EEF2: variants seen among roughly 807,000 people sequenced by gnomAD.
The protein encoded by EEF2 is eukaryotic translation elongation factor 2.
In EEF2, 21 loss-of-function variants were observed where a neutral mutation model predicts 85.3. The ratio of observed to expected loss-of-function variants is 0.25; its 90% confidence interval spans 0.17 to 0.35. The LOEUF (loss-of-function observed/expected upper bound fraction) is 0.35. Among genes scored for constraint, EEF2 ranks in the 10% least tolerant of loss-of-function variants. The probability of loss-of-function intolerance (pLI) is 1.00; values close to 1 mark genes in which losing one functional copy is unlikely to be tolerated. For synonymous variants in EEF2, 723 were observed against 508.8 expected (o/e 1.42, Z -5.67); for missense variants, 825 against 1,225.3 (o/e 0.67, Z 4.88).
At chr19:3,976,866 G>C (rs952066659) in intron 14 of EEF2, 119 bp from the exon 15 acceptor site, 4 of 1,180,734 alleles carry the variant, frequency 3.4e-6, no homozygotes, top group East Asian at 2.6e-5. Flanking sequence ...CCAGACACTC[G>C]GCCTGGTGCC....
At chr19:3,984,015 G>C (rs1026303431) in intron 2 of EEF2, 121 bp downstream of exon 2, 5 of 1,052,774 alleles carry the variant, frequency 4.7e-6, no homozygotes, top group Non-Finnish European at 7.0e-6. Context: ...ATTCTCCCAT[G>C]AATTAAGAAA....
At chr19:3,980,399 C>T (rs1428124522) in intron 9 of EEF2, 115 bp downstream of exon 9, 4 of 1,306,332 alleles carry the variant, frequency 3.1e-6, no homozygotes, top group East Asian at 2.4e-5. Flanking sequence ...ACAAGTATCA[C>T]CCTATATTCC....
rs1014255022 is a variant in EEF2, at chr19:3,977,650, C to T, written c.2068-40G>A. On this transcript the variant is annotated intron_variant, in intron 12 of 14. Transcript: ENST00000309311. This position sits in a 1 kb window ranked among gnomAD's most constrained non-coding sequence, Gnocchi z 5.4. ...GAGCCACCGTCAAGGGCCGGACACACCTCGGCTGCTTGCCCTCCACCTGCC... is the reference window on the plus strand; with the variant it reads ...GAGCCACCGTCAAGGGCCGGACACATCTCGGCTGCTTGCCCTCCACCTGCC... 2.7e-6 allele frequency: 4 copies of T among 1,481,436 alleles called. No individual in the cohort carries two copies. The highest frequency in any genetic ancestry group is 2.7e-6 in the Non-Finnish European group (3 of 1,121,924). 91.8% of individuals were successfully genotyped at this position (1,481,436 alleles called of 1,614,324 possible).
chr19:3,985,340 C>T, intron 1 of EEF2, 38 bp downstream of exon 1: 1 of 1,454,246 alleles, frequency 6.9e-7, no homozygotes, highest in Non-Finnish European at 9.1e-7. Flanking sequence ...GGAGGCCCCG[C>T]CGCCGCTCCG....
chr19:3,982,143 C>G, intron 5 of EEF2, 91 bp from the exon 6 acceptor site: 1 of 1,598,570 alleles, frequency 6.3e-7, no homozygotes, highest in Admixed American at 1.7e-5. Context: ...TTGGGCAAGA[C>G]CTGGTGGGCT....
rs548496291 is a variant in EEF2, at chr19:3,982,867, G to A, written c.552C>T (p.Asn184=). Reference sequence around the variant, plus strand: ...CGTAGGTGGAGATGATGACGTTCACGTTCTCCACGATGCGCTGGAAAGTCT... The same window carrying A: ...CGTAGGTGGAGATGATGACGTTCACATTCTCCACGATGCGCTGGAAAGTCT... The part of the protein sequence containing the change: ...LYQTFQRIVE[N]VNVIISTYGE... Residue 184 remains asparagine (N), a synonymous_variant, in exon 4 of 15, where the codon AAC becomes AAT. Transcript: ENST00000309311. 1.6e-5 allele frequency: 26 copies of A among 1,613,636 alleles called. No individual in the cohort carries two copies. The highest frequency in any genetic ancestry group is 1.6e-4 in the Middle Eastern group (1 of 6,062).
At position 3,976,764 on chromosome 19, in the gene EEF2, G is replaced by C; in HGVS notation, c.2384-17C>G. Reference sequence around the variant, plus strand: ...CGGTGAAGCCTGCAGAGGGAAGCGAGAGGCTCACTGGGCCATCGAGAAGGT... The same window carrying C: ...CGGTGAAGCCTGCAGAGGGAAGCGACAGGCTCACTGGGCCATCGAGAAGGT... On this transcript the variant is annotated splice_polypyrimidine_tract_variant and intron_variant, in intron 14 of 14. Coordinates refer to ENST00000309311, the MANE Select transcript of EEF2 (RefSeq NM_001961.4). 6.5e-7 allele frequency: 1 copy of C among 1,534,700 alleles called. No homozygotes were observed. The highest frequency in any genetic ancestry group is 8.7e-7 in the Non-Finnish European group (1 of 1,147,254).
At position 3,983,131 on chromosome 19, in the gene EEF2, C is replaced by T. The variant is rs2039776714; in HGVS notation, c.379G>A (p.Val127Met). The change falls in exon 3 of 15, where the codon GTG becomes ATG. Residue 127 changes from valine to methionine, a missense_variant. Val to Met is a conservative substitution (Grantham distance 21). Transcript: ENST00000309311. ...TTACCTGACACGCAGTCCACCACCA[C>T]CAATGCGCCATCGGTGACTCGGAGG... ...AALRVTDGAL[V>M]VVDCVSGVCV... The T allele has an allele frequency of 6.2e-7, 1 of 1,613,956 alleles. No individual in the cohort carries two copies. The highest frequency in any genetic ancestry group is 8.5e-7 in the Non-Finnish European group (1 of 1,180,006).
Position 3,983,301 on chromosome 19 carries a change from G to T in EEF2, c.219-10C>A. ...GAAGAGGGAGATGGCACTGATGGAGGGAGGGACTCGTCAGGGGGACAGGAG... is the reference window on the plus strand; with the variant it reads ...GAAGAGGGAGATGGCACTGATGGAGTGAGGGACTCGTCAGGGGGACAGGAG... On this transcript the variant is annotated splice_polypyrimidine_tract_variant and intron_variant, in intron 2 of 14. Transcript: ENST00000309311. 2 of 1,611,538 alleles carry T rather than the reference G, an allele frequency of 1.2e-6. No individual in the cohort carries two copies. Among genetic ancestry groups the T allele is most frequent in the Non-Finnish European group, 1.7e-6 (2 of 1,178,558 alleles).
chr19:3,979,978 G>A lies in EEF2; in HGVS notation c.1435C>T (p.Leu479=), dbSNP rs371873229. Residue 479 remains leucine, a synonymous_variant, in exon 10 of 15, where the codon CTG becomes TTG. Transcript: ENST00000309311. ...GTGGTGATGGTGCCCGTCTTCACCA[G>A]GAACTGGTCCACGCCCACGAGGCCC... The part of the protein sequence containing the change: ...IVGLVGVDQF[L]VKTGTITTFE... The A allele has an allele frequency of 3.7e-6, 6 of 1,613,822 alleles. No homozygotes were observed. Among genetic ancestry groups the A allele is most frequent in the African/African-American group, 1.3e-5 (1 of 74,954 alleles).
At chr19:3,983,902 G>A (rs1270846306) in intron 2 of EEF2, 2 of 561,868 alleles carry the variant, frequency 3.6e-6, no homozygotes, top group African/African-American at 1.9e-5. Context: ...CCCAGGGAGG[G>A]AGAACCACGG....
At position 3,983,293 on chromosome 19, in the gene EEF2, T is replaced by C; in HGVS notation, c.219-2A>G. 6.2e-7 allele frequency: 1 copy of C among 1,612,536 alleles called. No individual in the cohort carries two copies. The highest frequency in any genetic ancestry group is 8.5e-7 in the Non-Finnish European group (1 of 1,179,140). ...AGCTCGTAGAAGAGGGAGATGGCAC[T>C]GATGGAGGGAGGGACTCGTCAGGGG... On this transcript the variant is annotated splice_acceptor_variant, in intron 2 of 14. Coordinates refer to ENST00000309311, the MANE Select transcript of EEF2 (RefSeq NM_001961.4). LOFTEE classifies it high-confidence loss of function.
At position 3,979,370 on chromosome 19, in the gene EEF2, G is replaced by A. The variant is rs929772250; in HGVS notation, c.1672C>T (p.Leu558=). The change falls in exon 11 of 15, where the codon CTG becomes TTG. Residue 558 remains leucine (L), a synonymous_variant. Transcript: ENST00000309311. ...GCGTGGTCCTCCTCCAGGTCCTTCA[G>A]GCAGATCTCCAGGTGCAGCTCGCCG... ...GAGELHLEIC[L]KDLEEDHACI... The A allele has an allele frequency of 3.7e-6, 6 of 1,613,972 alleles. No homozygotes were observed. The African/African-American group carries it at 8.0e-5, about 22-fold the overall frequency.
chr19:3,981,488 G>C (rs771326425), intron 6 of EEF2, 36 bp from the exon 7 acceptor site: 1 of 1,587,562 alleles, frequency 6.3e-7, no homozygotes, highest in Admixed American at 1.7e-5. Flanking sequence ...AAGCCCATTT[G>C]GGAACAGCAG....
At position 3,977,386 on chromosome 19, in the gene EEF2, G is replaced by GC; in HGVS notation, c.2251-40dup. 6.3e-7 allele frequency: 1 copy of GC among 1,591,658 alleles called. No individual in the cohort carries two copies. Among genetic ancestry groups the GC allele is most frequent in the Middle Eastern group, 1.7e-4 (1 of 6,024 alleles). On this transcript the variant is annotated intron_variant, in intron 13 of 14. Transcript: ENST00000309311. This position sits in a 1 kb window ranked among gnomAD's most constrained non-coding sequence, Gnocchi z 5.4. ...AAGAAAACCTGTCAGTGGCCGCTGG[G>GC]CAGGACGGTGGCAGGGTCAGCGGTG...
rs2230567 is a variant in EEF2 at position 3,976,443 on chromosome 19, G to A, written c.*111C>T. ...CGCAGCGGGCCCCAGAAACCTCTCA[G>A]GGGAGCGTCGCTGTGTCGGGACAGT... On this transcript the variant is annotated 3_prime_UTR_variant, in exon 15 of 15. Transcript: ENST00000309311. The A allele has an allele frequency of 0.02, 26,014 of 1,289,062 alleles. 3,991 individuals are homozygous for A. The African/African-American group carries it at 0.34, about 17-fold the overall frequency. The allele number at this position is 1,289,062 out of a possible 1,614,324, so 79.9% of individuals were successfully genotyped here.
intron 2 of EEF2, chr19:3,983,888 G>A (rs1276735001): frequency 1.7e-5 from 9 of 542,794 alleles, no homozygotes; most frequent in Non-Finnish European, 2.7e-5. Context: ...GTGGGGGCAA[G>A]TCCCCCAGGG....
chr19:3,977,652 TCG>T lies in EEF2; in HGVS notation c.2068-44_2068-43del. 3 of 1,480,012 alleles carry T rather than the reference TCG, an allele frequency of 2.0e-6. No homozygotes were observed. The highest frequency in any genetic ancestry group is 2.4e-5 in the Admixed American group (1 of 41,764). The allele number at this position is 1,480,012 out of a possible 1,614,324, so 91.7% of individuals were successfully genotyped here. A position where few individuals can be genotyped will look rare whatever the true frequency, so the allele number is the denominator to read the frequency against. On this transcript the variant is annotated intron_variant, in intron 12 of 14. Transcript: ENST00000309311. The surrounding 1 kb of genome is among the most constrained non-coding windows in gnomAD (Gnocchi z 5.4). ...GCCACCGTCAAGGGCCGGACACACCTCGGCTGCTTGCCCTCCACCTGCCAAGT... is the reference window on the plus strand; with the variant it reads ...GCCACCGTCAAGGGCCGGACACACCTGCTGCTTGCCCTCCACCTGCCAAGT...
Position 3,984,366 on chromosome 19 carries a change from A to C in EEF2, c.4-16T>G, listed in dbSNP as rs1216574480. The stretch of plus-strand genomic sequence containing the variant: ...TGAAGTTCACCTGGGCAAGACAAGG[A>C]GGCTCAGACCAGCTCGTGATTTCCA... On this transcript the variant is annotated splice_polypyrimidine_tract_variant and intron_variant, in intron 1 of 14. Coordinates refer to ENST00000309311, the MANE Select transcript of EEF2 (RefSeq NM_001961.4). The C allele has an allele frequency of 6.2e-7, 1 of 1,612,758 alleles. No individual in the cohort carries two copies. Among genetic ancestry groups the C allele is most frequent in the East Asian group, 2.2e-5 (1 of 44,822 alleles).
Sources: gnomAD v4.1 joint callset for allele counts on GRCh38, gnomAD v4.1.1 for gene constraint, Gnocchi (gnomAD v3.1) non-coding constraint, MANE v1.5 for transcripts, NCBI Gene and HGNC (gene_info 2026-07-23, HGNC 2026-07-21) for gene names.